The following PDGFRA variants were observed in gnomAD, a reference collection of about 807,000 sequenced individuals.
PDGFRA encodes platelet-derived growth factor receptor alpha.
PDGFRA carries 25 observed loss-of-function variants against 121.5 expected under a neutral mutation model. That is an observed-to-expected ratio of 0.21 (90% CI 0.15 to 0.29). The LOEUF is 0.29. Among genes scored for constraint, PDGFRA ranks in the 10% least tolerant of loss-of-function variants. The pLI, the probability that PDGFRA is intolerant of heterozygous loss-of-function variation, is 1.00. For missense variants in PDGFRA, 1,008 were observed against 1,345.1 expected (o/e 0.75, Z 3.92); for synonymous variants, 463 against 494.8 (o/e 0.94, Z 0.85).
intron 15 of PDGFRA, 122 bp from the exon 16 acceptor site, chr4:54,280,194 G>C (rs528585550): frequency 1.2e-4 from 83 of 719,634 alleles, no homozygotes; most frequent in African/African-American, 2.6e-4. Context: ...GATTGGTTTT[G>C]CTTTTACCCA....
rs981559406 is a variant in PDGFRA at position 54,290,441 on chromosome 4, G to T, written c.3009G>T (p.Trp1003Cys). The T allele has an allele frequency of 1.2e-6, 2 of 1,613,984 alleles. No homozygotes were observed. The highest frequency in any genetic ancestry group is 3.3e-5 in the Admixed American group (2 of 60,006). The change falls in exon 22 of 23, where the codon TGG (tryptophan) becomes TGT (cysteine). Residue 1003 changes from tryptophan to cysteine, a missense_variant. Coordinates refer to ENST00000257290, the MANE Select transcript of PDGFRA (RefSeq NM_006206.6). Reference protein sequence around the residue: ...YKNEEDKLKDWEGGLDEQRLS... With the variant: ...YKNEEDKLKDCEGGLDEQRLS... ...ACGAGGAAGACAAGCTGAAGGACTG[G>T]GAGGGTGGTCTGGATGAGCAGAGAC...
Position 54,296,367 on chromosome 4 carries a change from G to GTT in PDGFRA, c.*1110_*1111dup, listed in dbSNP as rs34529347. On this transcript the variant is annotated 3_prime_UTR_variant, in exon 23 of 23. Transcript: ENST00000257290. ...CAGCAAAAAGACTGGATTTGCAGAA[G>GTT]TTTTTTTTTTTTTTTTCTTCATGCC... 46 of 211,494 alleles carry GTT rather than the reference G, an allele frequency of 2.2e-4. 1 individual carries two copies. Among genetic ancestry groups the GTT allele is most frequent in the African/African-American group, 9.6e-4 (41 of 42,558 alleles). The allele number at this position is 211,494 out of a possible 1,614,324, so 13.1% of individuals were successfully genotyped here.
intron 7 of PDGFRA, among the ~76,000 whole-genome samples, chr4:54,269,502 C>T (rs1230894497): frequency 2.1e-5 from 3 of 140,640 alleles, no homozygotes; most frequent in Non-Finnish European, 3.1e-5. Context: ...TATGCACATA[C>T]ATACACACAC....
At chr4:54,280,504 C>A (rs1292503391) in intron 16 of PDGFRA, 22 bp downstream of exon 16, 1 of 1,595,114 alleles carries the variant, frequency 6.3e-7, no homozygotes, top group South Asian at 1.1e-5. Flanking sequence ...TATACTCACT[C>A]TGGGTGTTGG....
intron 7 of PDGFRA, among the ~76,000 whole-genome samples, chr4:54,269,925 T>C (rs568227363): frequency 1.3e-5 from 2 of 152,146 alleles, no homozygotes; most frequent in East Asian, 3.9e-4. Flanking sequence ...GTGCTGGGAT[T>C]ACAGGTGTGA....
intron 22 of PDGFRA, among the ~76,000 whole-genome samples, chr4:54,293,177 G>C (rs950938403): frequency 2.6e-5 from 4 of 152,104 alleles, no homozygotes; most frequent in Non-Finnish European, 5.9e-5. Context: ...AGAAACCATA[G>C]TGTTTGCCTG....
chr4:54,297,559 G>A lies in PDGFRA; in HGVS notation c.*2287G>A. 1 of 233,604 alleles carries A rather than the reference G, an allele frequency of 4.3e-6. No individual in the cohort carries two copies. Among genetic ancestry groups the A allele is most frequent in the East Asian group, 6.0e-5 (1 of 16,578 alleles). 14.5% of individuals were successfully genotyped at this position (233,604 alleles called of 1,614,324 possible). On this transcript the variant is annotated 3_prime_UTR_variant, in exon 23 of 23. Coordinates refer to ENST00000257290, the MANE Select transcript of PDGFRA (RefSeq NM_006206.6). ...GCTTTGCATTTTGATATTGCTGTGA[G>A]CCTTGCATGACATCATGAGGCCGGA...
At chr4:54,253,148 A>G (rs190374709) in intron 1 of PDGFRA, among the ~76,000 whole-genome samples, 50 of 152,330 alleles carry the variant, frequency 3.3e-4, no homozygotes, top group African/African-American at 4.8e-4. Flanking sequence ...AGAGGTAGGA[A>G]GTGCAGGGCA....
At chr4:54,241,499 C>A (rs1721294729) in intron 1 of PDGFRA, among the ~76,000 whole-genome samples, 1 of 151,080 alleles carries the variant, frequency 6.6e-6, no homozygotes, top group Admixed American at 6.6e-5. Flanking sequence ...ATGTAATTAG[C>A]CATAACTGAA....
chr4:54,264,694 T>C, intron 4 of PDGFRA: 3 of 466,620 alleles, frequency 6.4e-6, no homozygotes, highest in South Asian at 2.2e-5. Flanking sequence ...TTGGAATTTA[T>C]TTTTATTGTT....
intron 1 of PDGFRA, among the ~76,000 whole-genome samples, chr4:54,231,394 A>C (rs1338310401): frequency 6.6e-6 from 1 of 152,108 alleles, no homozygotes. Flanking sequence ...TGGAGCAGGG[A>C]GCATCCAGGG....
intron 11 of PDGFRA, 103 bp from the exon 12 acceptor site, chr4:54,274,738 C>T (rs1723617504): frequency 1.2e-5 from 18 of 1,465,116 alleles, no homozygotes; most frequent in South Asian, 3.4e-5. Context: ...GTGGAGTGAA[C>T]GTTGTTGGAC....
chr4:54,254,922 G>A (rs1004294938), intron 1 of PDGFRA, among the ~76,000 whole-genome samples: 2 of 152,218 alleles, frequency 1.3e-5, no homozygotes, highest in African/African-American at 4.8e-5. Context: ...GAGGGAAAAG[G>A]GAAGGGAGGG....
At chr4:54,248,705 A>G (rs1721851113) in intron 1 of PDGFRA, among the ~76,000 whole-genome samples, 1 of 152,246 alleles carries the variant, frequency 6.6e-6, no homozygotes, top group Non-Finnish European at 1.5e-5. Flanking sequence ...ACAAAAGCCA[A>G]AATTGACAAA....
intron 1 of PDGFRA, among the ~76,000 whole-genome samples, chr4:54,250,090 C>T (rs1292034975): frequency 6.6e-6 from 1 of 151,954 alleles, no homozygotes; most frequent in Non-Finnish European, 1.5e-5. Flanking sequence ...TGTATTATTA[C>T]AAGATAATGA....
At chr4:54,291,909 C>T (rs1342797175) in intron 22 of PDGFRA, among the ~76,000 whole-genome samples, 2 of 151,906 alleles carry the variant, frequency 1.3e-5, no homozygotes, top group East Asian at 3.9e-4. Context: ...GGATAAAGAA[C>T]ATCTGGCACA....
At chr4:54,249,614 A>T (rs1055741962) in intron 1 of PDGFRA, among the ~76,000 whole-genome samples, 8 of 152,086 alleles carry the variant, frequency 5.3e-5, no homozygotes, top group Non-Finnish European at 1.0e-4. Context: ...GAAGGGGAAC[A>T]TCACACTCTG....
chr4:54,259,916 C>T (rs1361279495), intron 2 of PDGFRA, among the ~76,000 whole-genome samples: 1 of 152,124 alleles, frequency 6.6e-6, no homozygotes, highest in Non-Finnish European at 1.5e-5. Context: ...AAGTTCTGTG[C>T]TCCATGGGTT....
rs373948582 is a variant in PDGFRA, at chr4:54,267,407, G to A, written c.878G>A (p.Arg293His). 1.4e-5 allele frequency: 22 copies of A among 1,614,162 alleles called. No homozygotes were observed. Among genetic ancestry groups the A allele is most frequent in the Middle Eastern group, 1.6e-4 (1 of 6,062 alleles). The change falls in exon 6 of 23, where the codon CGC becomes CAC. Residue 293 changes from arginine (R) to histidine (H), a missense_variant. This residue lies in a region of PDGFRA where 575 missense variants were observed against 701.8 expected (regional missense o/e 0.82). Coordinates refer to ENST00000257290, the MANE Select transcript of PDGFRA (RefSeq NM_006206.6). ...AGTGGAGATTACGAATGTGCTGCCC[G>A]CCAGGCTACCAGGGAGGTCAAAGAA... is the stretch of plus-strand genomic sequence containing the variant. Reference protein sequence around the residue: ...KDSGDYECAARQATREVKEMK... With the variant: ...KDSGDYECAAHQATREVKEMK...
Sources: gnomAD v4.1 joint callset for allele counts (sites outside exome capture counted in the v4.1 genomes callset) on GRCh38, gnomAD v4.1.1 for gene constraint, gnomAD v4.1.1 regional missense constraint, MANE v1.5 for transcripts, NCBI Gene and HGNC (gene_info 2026-07-23, HGNC 2026-07-21) for gene names.